The following SSBP4 variants were observed in gnomAD, a reference collection of about 807,000 sequenced individuals.
The protein encoded by SSBP4 is single-stranded DNA-binding protein 4.
A neutral mutation model predicts 64.6 loss-of-function variants in SSBP4; 33 were observed. The ratio of observed to expected loss-of-function variants is 0.51; its 90% CI spans 0.39 to 0.68. The LOEUF is 0.68. Among genes scored for constraint, SSBP4 ranks in the 30% least tolerant of loss-of-function variants. SSBP4 has a pLI of 0.00. For missense variants in SSBP4, 583 were observed against 566.8 expected (o/e 1.03, Z -0.29); for synonymous variants, 243 against 224.0 (o/e 1.08, Z -0.76).
chr19:18,416,117 C>T (rs541247990), upstream of SSBP4, among the ~76,000 whole-genome samples: 298 of 152,210 alleles, frequency 2.0e-3, no homozygotes, highest in Non-Finnish European at 3.1e-3. Context: ...CGGGTTCAAG[C>T]GATTCTCCTG....
intron 1 of SSBP4, chr19:18,420,167 G>A (rs1218456108): frequency 6.6e-6 from 1 of 152,096 alleles, no homozygotes; most frequent in African/African-American, 2.4e-5. Flanking sequence ...TCGGCTCGGG[G>A]ACCCCAGTCG....
At chr19:18,419,254 C>G (rs546618712), upstream of SSBP4, 10 of 991,316 alleles carry the variant, frequency 1.0e-5, no homozygotes, top group South Asian at 4.7e-5. Flanking sequence ...GCCGCGCCCC[C>G]ACCCCCCGCG....
In SSBP4 at chr19:18,423,783, C is replaced by T. The variant is rs1267912983; in HGVS notation, c.60-3568C>T. Among the ~76,000 whole-genome samples, 1 of 152,142 alleles carries T rather than the reference C, an allele frequency of 6.6e-6. No individual in the cohort carries two copies. Among genetic ancestry groups the T allele is most frequent in the Non-Finnish European group, 1.5e-5 (1 of 68,024 alleles). The stretch of plus-strand genomic sequence containing the variant: ...GAGCTGCCTGCTGCTCTTCCGGGTG[C>T]CTCCCTGTTTTCCTTTCTGGCCACC... On this transcript the variant is annotated intron_variant, in intron 1 of 17. Transcript: ENST00000270061. The surrounding 1 kb of genome is among the most constrained non-coding windows in gnomAD (Gnocchi z 4.0).
chr19:18,421,612 G>A (rs749863484), intron 1 of SSBP4, among the ~76,000 whole-genome samples: 13 of 152,268 alleles, frequency 8.5e-5, no homozygotes, highest in Non-Finnish European at 1.9e-4. Flanking sequence ...AAAGCAAAGT[G>A]GATGATAGAT....
chr19:18,429,601 G>A (rs1414017619), intron 4 of SSBP4, among the ~76,000 whole-genome samples: 1 of 151,540 alleles, frequency 6.6e-6, no homozygotes, highest in Non-Finnish European at 1.5e-5. Context: ...CACCCTCGGG[G>A]AGTGGACCGG....
At position 18,432,545 on chromosome 19, in the gene SSBP4, G is replaced by A. The variant is rs199519261; in HGVS notation, c.705-14G>A. ...GGACTAGCCCCAGAGTCTGTCATCC[G>A]CGGTCTCTTCCAGGGGCCCAGGAGT... is the stretch of plus-strand genomic sequence containing the variant. On this transcript the variant is annotated splice_polypyrimidine_tract_variant and intron_variant, in intron 10 of 17. Coordinates refer to ENST00000270061, the MANE Select transcript of SSBP4 (RefSeq NM_032627.5). The A allele has an allele frequency of 3.4e-5, 53 of 1,566,722 alleles. No homozygotes were observed. The highest frequency in any genetic ancestry group is 4.3e-5 in the Non-Finnish European group (49 of 1,152,888).
At chr19:18,404,066 A>T in the SSBP4 span, among the ~76,000 whole-genome samples, 1 of 151,920 alleles carries the variant, frequency 6.6e-6, no homozygotes, top group Non-Finnish European at 1.5e-5. Context: ...ATACTCAGAG[A>T]TGCCAAGAGA....
chr19:18,433,252 G>C (rs1401042777), intron 15 of SSBP4, 39 bp downstream of exon 15: 6 of 1,536,918 alleles, frequency 3.9e-6, no homozygotes, highest in Admixed American at 3.9e-5. Flanking sequence ...GTTGCCTTCC[G>C]GGCCCGTGCG....
chr19:18,419,828 G>T lies in SSBP4; in HGVS notation c.59+121G>T, dbSNP rs1031230730. The T allele has an allele frequency of 1.2e-4, 81 of 660,724 alleles. No individual in the cohort carries two copies. In the African/African-American group the frequency reaches 1.5e-3, roughly 13 times the overall value. 40.9% of individuals were successfully genotyped at this position (660,724 alleles called of 1,614,324 possible). ...GGGGAGCGCGAGCCTGAGCGCGCTC[G>T]AGGGGTCGCGAGATTGGCGGGGGCG... On this transcript the variant is annotated intron_variant, in intron 1 of 17. Transcript: ENST00000270061.
At chr19:18,431,560 G>A (rs1973383278) in intron 6 of SSBP4, 87 bp from the exon 7 acceptor site, 37 of 1,484,158 alleles carry the variant, frequency 2.5e-5, no homozygotes, top group Non-Finnish European at 3.0e-5. Flanking sequence ...GGGCTCCCCA[G>A]GTCGGGGGCC....
chr19:18,433,415 C>A lies in SSBP4; in HGVS notation c.992-170C>A, dbSNP rs1285175301. ...ACCAGAGGATGCACTGACCGCCCCT[C>A]CCCCCCAGGCCCAACCCTCCACCTG... On this transcript the variant is annotated intron_variant, in intron 15 of 17. Coordinates refer to ENST00000270061, the MANE Select transcript of SSBP4 (RefSeq NM_032627.5). 3.9e-6 allele frequency: 5 copies of A among 1,280,158 alleles called. No individual in the cohort carries two copies. In the African/African-American group the frequency reaches 4.4e-5, roughly 11 times the overall value. 79.3% of individuals were successfully genotyped at this position (1,280,158 alleles called of 1,614,324 possible).
rs1355169378 is a variant in SSBP4, at chr19:18,427,704, G to A, written c.133-48G>A. Reference sequence around the variant, plus strand: ...CTCTGGGCACCCTGCTGGGTGGTGGGGCAGGGTCAGGTAGGGCCACCCCCT... The same window carrying A: ...CTCTGGGCACCCTGCTGGGTGGTGGAGCAGGGTCAGGTAGGGCCACCCCCT... On this transcript the variant is annotated intron_variant, in intron 2 of 17. Coordinates refer to ENST00000270061, the MANE Select transcript of SSBP4 (RefSeq NM_032627.5). The surrounding 1 kb of genome is among the most constrained non-coding windows in gnomAD (Gnocchi z 4.4). The A allele has an allele frequency of 6.5e-7, 1 of 1,539,628 alleles. No homozygotes were observed. The highest frequency in any genetic ancestry group is 8.8e-7 in the Non-Finnish European group (1 of 1,137,354).
intron 10 of SSBP4, 103 bp from the exon 11 acceptor site, chr19:18,432,453 TGTG>T: frequency 6.8e-7 from 1 of 1,469,872 alleles, no homozygotes; most frequent in Admixed American, 2.1e-5. Context: ...TCTGCTGCTC[TGTG>T]GTCGGTCTGG....
At chr19:18,417,519 G>T (rs938620285), upstream of SSBP4, among the ~76,000 whole-genome samples, 1 of 152,238 alleles carries the variant, frequency 6.6e-6, no homozygotes, top group Non-Finnish European at 1.5e-5. This position sits in a 1 kb window ranked among gnomAD's most constrained non-coding sequence, Gnocchi z 5.4. Context: ...GCCTCATTAG[G>T]AGTAGGCGCT....
chr19:18,433,140 G>T lies in SSBP4; in HGVS notation c.918G>T (p.Pro306=), dbSNP rs755385584. 1 of 1,605,942 alleles carries T rather than the reference G, an allele frequency of 6.2e-7. No individual in the cohort carries two copies. The highest frequency in any genetic ancestry group is 1.3e-5 in the African/African-American group (1 of 74,820). ...CGCTGTCCCCATGCCCGCAGTTCCCGCTCGGCCCTGGCCCGGAGGGCCCCA... is the reference window on the plus strand; with the variant it reads ...CGCTGTCCCCATGCCCGCAGTTCCCTCTCGGCCCTGGCCCGGAGGGCCCCA... The part of the protein sequence containing the change: ...IGQGAGRANF[P]LGPGPEGPMA... Residue 306 remains proline (P), a synonymous_variant, in exon 15 of 18, where the codon CCG becomes CCT. Coordinates refer to ENST00000270061, the MANE Select transcript of SSBP4 (RefSeq NM_032627.5).
chr19:18,411,053 T>A, the SSBP4 span, among the ~76,000 whole-genome samples: 2 of 151,690 alleles, frequency 1.3e-5, no homozygotes, highest in Non-Finnish European at 1.5e-5. Context: ...GGCAGGAGGA[T>A]CACTTGAGGC....
intron 4 of SSBP4, among the ~76,000 whole-genome samples, chr19:18,430,486 C>T (rs991754900): frequency 1.3e-5 from 2 of 152,188 alleles, no homozygotes; most frequent in East Asian, 1.9e-4. Flanking sequence ...AAGGTGGAGC[C>T]TTCAGGGAGG....
At position 18,432,249 on chromosome 19, in the gene SSBP4, C is replaced by T. The variant is rs375731455; in HGVS notation, c.704+35C>T. 85 of 1,603,982 alleles carry T rather than the reference C, an allele frequency of 5.3e-5. No homozygotes were observed. The Middle Eastern group carries it at 6.6e-4, about 12-fold the overall frequency. On this transcript the variant is annotated intron_variant, in intron 10 of 17. Coordinates refer to ENST00000270061, the MANE Select transcript of SSBP4 (RefSeq NM_032627.5). The stretch of plus-strand genomic sequence containing the variant: ...TGGGGGATCCTAGGAGTGTGCAGTT[C>T]GCAGGCCACCACCAGCTTCATGGCT...
chr19:18,417,260 C>G (rs1972151382), upstream of SSBP4, among the ~76,000 whole-genome samples: 1 of 152,214 alleles, frequency 6.6e-6, no homozygotes, highest in Non-Finnish European at 1.5e-5. The surrounding 1 kb of genome is among the most constrained non-coding windows in gnomAD (Gnocchi z 5.4). Context: ...CAACGTGTCC[C>G]GGCTGGGTCT....
Sources: allele counts gnomAD v4.1 joint callset (sites outside exome capture counted in the v4.1 genomes callset), GRCh38; gene constraint gnomAD v4.1.1; non-coding constraint Gnocchi (gnomAD v3.1); transcripts MANE v1.5; gene names NCBI Gene and HGNC (gene_info 2026-07-23, HGNC 2026-07-21).